Variants in FBXW7 observed in about 807,000 individuals in gnomAD.
FBXW7 encodes F-box and WD repeat domain containing 7, also known as F-box/WD repeat-containing protein 7.
A neutral mutation model predicts 86.3 loss-of-function variants in FBXW7; 11 were observed. The ratio of observed to expected loss-of-function variants is 0.13; its 90% CI spans 0.08 to 0.21. FBXW7 has a LOEUF of 0.21. Ranked by LOEUF, FBXW7 falls within the 10% of genes least tolerant of loss-of-function variation. The pLI is 1.00. For synonymous variants in FBXW7, 313 were observed against 297.9 expected (o/e 1.05, Z -0.52); for missense variants, 488 against 847.4 (o/e 0.58, Z 5.27).
intron 4 of FBXW7, among the ~76,000 whole-genome samples, chr4:152,388,402 A>C (rs1158435070): frequency 6.6e-6 from 1 of 152,196 alleles, no homozygotes; most frequent in Non-Finnish European, 1.5e-5. Flanking sequence ...GTACATGCCT[A>C]TATGCACAGA....
Position 152,326,054 on chromosome 4 carries a change from G to A in FBXW7, c.1596C>T (p.Thr532=), listed in dbSNP as rs2126492950. The A allele has an allele frequency of 6.2e-7, 1 of 1,613,156 alleles. No homozygotes were observed. The change falls in exon 12 of 14, where the codon ACC becomes ACT. Residue 532 remains threonine, a synonymous_variant. Coordinates refer to ENST00000281708, the MANE Select transcript of FBXW7 (RefSeq NM_001349798.2). ...MVKVWDPETE[T]CLHTLQGHTN... ...TATGCCCCTGCAACGTGTGTAGACA[G>A]GTTTCAGTCTCTGGATCCCACACCT... is the stretch of plus-strand genomic sequence containing the variant.
At chr4:152,441,267 G>GA (rs1740872173) in intron 2 of FBXW7, among the ~76,000 whole-genome samples, 1 of 151,992 alleles carries the variant, frequency 6.6e-6, no homozygotes, top group Non-Finnish European at 1.5e-5. Flanking sequence ...TCTCTGAGAG[G>GA]AAAAATGTAA....
At chr4:152,444,962 T>C (rs950384876) in intron 2 of FBXW7, among the ~76,000 whole-genome samples, 1 of 152,164 alleles carries the variant, frequency 6.6e-6, no homozygotes, top group Non-Finnish European at 1.5e-5. Flanking sequence ...TGGCTGTGAC[T>C]ACAGGCACAT....
chr4:152,462,900 C>T (rs1560928684), intron 2 of FBXW7, among the ~76,000 whole-genome samples: 1 of 151,540 alleles, frequency 6.6e-6, no homozygotes, highest in Non-Finnish European at 1.5e-5. Context: ...TGAAGTACTC[C>T]CACTTCCACT....
chr4:152,338,117 T>C (rs1185459193), intron 6 of FBXW7, 181 bp from the exon 7 acceptor site: 1 of 403,506 alleles, frequency 2.5e-6, no homozygotes, highest in East Asian at 3.6e-5. Context: ...TTTCATCACT[T>C]ACCAACAACT....
intron 10 of FBXW7, among the ~76,000 whole-genome samples, 156 bp downstream of exon 10, chr4:152,329,516 T>C (rs1308407586): frequency 1.3e-5 from 2 of 151,950 alleles, no homozygotes; most frequent in Admixed American, 1.3e-4. Flanking sequence ...TTGGCTTTCA[T>C]AAATATGGGG....
At chr4:152,528,414 G>A (rs1749720982) in intron 2 of FBXW7, among the ~76,000 whole-genome samples, 1 of 152,172 alleles carries the variant, frequency 6.6e-6, no homozygotes, top group East Asian at 1.9e-4. Context: ...CTACGTGCAT[G>A]GCAGGATAAT....
chr4:152,345,207 A>G (rs1392485678), intron 6 of FBXW7, among the ~76,000 whole-genome samples: 1 of 152,126 alleles, frequency 6.6e-6, no homozygotes, highest in Non-Finnish European at 1.5e-5. Context: ...GGATGGGACA[A>G]AATTAAAAAT....
intron 2 of FBXW7, among the ~76,000 whole-genome samples, chr4:152,440,665 C>T (rs1437525508): frequency 6.6e-6 from 1 of 152,056 alleles, no homozygotes; most frequent in Non-Finnish European, 1.5e-5. Context: ...GTGGAGCACT[C>T]TTCAAAACTG....
chr4:152,382,254 G>C (rs1429643705), intron 4 of FBXW7: 5 of 1,605,342 alleles, frequency 3.1e-6, no homozygotes, highest in Non-Finnish European at 4.3e-6. Context: ...ATCACAGTTT[G>C]ATGTGGTAGA....
intron 2 of FBXW7, among the ~76,000 whole-genome samples, chr4:152,429,921 G>C (rs1422744505): frequency 6.6e-6 from 1 of 152,136 alleles, no homozygotes; most frequent in African/African-American, 2.4e-5. Context: ...TGTATCTTGA[G>C]TAGCTAAATT....
intron 2 of FBXW7, among the ~76,000 whole-genome samples, chr4:152,448,475 T>C (rs1427307368): frequency 3.3e-5 from 5 of 152,206 alleles, no homozygotes; most frequent in Non-Finnish European, 7.3e-5. Flanking sequence ...GGACATTCGA[T>C]GGATAATCTC....
intron 4 of FBXW7, among the ~76,000 whole-genome samples, chr4:152,373,914 A>G (rs1734236417): frequency 6.6e-6 from 1 of 152,072 alleles, no homozygotes; most frequent in African/African-American, 2.4e-5. Context: ...ACTCATGTTG[A>G]TGCATGATGT....
Position 152,322,533 on chromosome 4 carries a change from T to C in FBXW7, c.*348A>G, listed in dbSNP as rs1034791135. On this transcript the variant is annotated 3_prime_UTR_variant, in exon 14 of 14. Transcript: ENST00000281708. The stretch of plus-strand genomic sequence containing the variant: ...AAGAACAGGCTAGCAGAATCTGTAA[T>C]GATGTTTCAGCATTAACACTGCCCA... 1.4e-5 allele frequency: 4 copies of C among 289,946 alleles called. No homozygotes were observed. Among genetic ancestry groups the C allele is most frequent in the African/African-American group, 6.4e-5 (3 of 47,174 alleles). The allele number at this position is 289,946 out of a possible 1,614,324, so 18.0% of individuals were successfully genotyped here. A position where few individuals can be genotyped will look rare whatever the true frequency, so the allele number is the denominator to read the frequency against.
At chr4:152,478,691 G>A (rs1157195109) in intron 2 of FBXW7, among the ~76,000 whole-genome samples, 2 of 152,018 alleles carry the variant, frequency 1.3e-5, no homozygotes, top group Non-Finnish European at 2.9e-5. Flanking sequence ...CAGTAGTGCA[G>A]GCATGGTTCC....
intron 4 of FBXW7, among the ~76,000 whole-genome samples, chr4:152,406,189 T>C (rs931630029): frequency 1.3e-5 from 2 of 152,246 alleles, no homozygotes; most frequent in Non-Finnish European, 2.9e-5. Context: ...TATACTTCAG[T>C]GAAGTTTATC....
chr4:152,425,151 TA>T (rs1739269369), intron 2 of FBXW7, among the ~76,000 whole-genome samples: 1 of 152,248 alleles, frequency 6.6e-6, no homozygotes, highest in Admixed American at 6.5e-5. Flanking sequence ...AAGGCATAGA[TA>T]TGACAGTGTC....
At chr4:152,352,376 G>T (rs1731897028) in intron 4 of FBXW7, 1 of 1,499,332 alleles carries the variant, frequency 6.7e-7, no homozygotes, top group East Asian at 2.3e-5. Flanking sequence ...CAAAATTAGA[G>T]GATACTGCAG....
At chr4:152,442,068 C>T (rs949579264) in intron 2 of FBXW7, among the ~76,000 whole-genome samples, 2 of 152,154 alleles carry the variant, frequency 1.3e-5, no homozygotes, top group African/African-American at 2.4e-5. Context: ...AAGACATTTC[C>T]AATCTTACTT....
Sources: gnomAD v4.1 joint callset for allele counts (sites outside exome capture counted in the v4.1 genomes callset) on GRCh38, gnomAD v4.1.1 for gene constraint, MANE v1.5 for transcripts, NCBI Gene and HGNC (gene_info 2026-07-23, HGNC 2026-07-21) for gene names.